The following RBFOX1 variants were observed in gnomAD, a reference collection of about 807,000 sequenced individuals.
The protein encoded by RBFOX1 is RNA binding fox-1 homolog 1.
In RBFOX1, 8 loss-of-function variants were observed where a neutral mutation model predicts 57.7. The observed-to-expected ratio is 0.14, with a 90% CI of 0.08 to 0.25. The LOEUF (loss-of-function observed/expected upper bound fraction) is 0.25, where lower values mean the gene tolerates loss of function less well. Among genes scored for constraint, RBFOX1 ranks in the 10% least tolerant of loss-of-function variants. The probability of loss-of-function intolerance (pLI) is 1.00; values close to 1 mark genes in which losing one functional copy is unlikely to be tolerated. For synonymous variants in RBFOX1, 326 were observed against 222.4 expected (o/e 1.47, Z -4.15); for missense variants, 611 against 548.5 (o/e 1.11, Z -1.14).
chr16:6,577,029 C>A (rs2097449681), intron 2 of RBFOX1: 2 of 152,192 alleles, frequency 1.3e-5, no homozygotes, highest in Admixed American at 1.3e-4. Context: ...AGAAGTGGCT[C>A]TTTCAGGACT....
At chr16:6,197,752 C>T (rs566713900) in intron 1 of RBFOX1, among the ~76,000 whole-genome samples, 1 of 151,866 alleles carries the variant, frequency 6.6e-6, no homozygotes, top group Non-Finnish European at 1.5e-5. Flanking sequence ...GGTATTAAGC[C>T]CGGTATCCAA....
intron 3 of RBFOX1, among the ~76,000 whole-genome samples, chr16:6,792,214 A>G (rs776623548): frequency 1.3e-5 from 2 of 152,178 alleles, no homozygotes; most frequent in Non-Finnish European, 2.9e-5. Context: ...AACAAGGTCA[A>G]TTTTAAAGCA....
intron 1 of RBFOX1, among the ~76,000 whole-genome samples, chr16:5,428,285 A>G (rs1425629126): frequency 6.6e-6 from 1 of 152,166 alleles, no homozygotes; most frequent in Non-Finnish European, 1.5e-5. Flanking sequence ...CTATAAAATG[A>G]TTCATGATGA....
chr16:7,193,872 T>A (rs1423222139), intron 4 of RBFOX1, among the ~76,000 whole-genome samples: 3 of 151,466 alleles, frequency 2.0e-5, no homozygotes, highest in African/African-American at 7.3e-5. Context: ...AATGACAGAC[T>A]AAAATCTTCT....
chr16:5,817,044 C>T (rs1193272765), intron 3 of RBFOX1, among the ~76,000 whole-genome samples: 12 of 152,198 alleles, frequency 7.9e-5, no homozygotes, highest in Admixed American at 1.3e-4. Flanking sequence ...CACCCACCTC[C>T]AGTAAATCCC....
intron 2 of RBFOX1, among the ~76,000 whole-genome samples, chr16:6,366,328 A>G (rs1209649289): frequency 1.3e-5 from 2 of 152,182 alleles, no homozygotes; most frequent in Non-Finnish European, 2.9e-5. Flanking sequence ...TGAACTATAA[A>G]GACTTCTACA....
intron 2 of RBFOX1, among the ~76,000 whole-genome samples, chr16:6,394,962 A>T (rs2092762241): frequency 6.6e-6 from 1 of 152,204 alleles, no homozygotes; most frequent in South Asian, 2.1e-4. Flanking sequence ...TCTCTCCAAT[A>T]AATATTATTA....
intron 1 of RBFOX1, among the ~76,000 whole-genome samples, chr16:6,150,643 A>C (rs1308343938): frequency 6.6e-6 from 1 of 152,060 alleles, no homozygotes; most frequent in Admixed American, 6.6e-5. Flanking sequence ...ACAGCATGAC[A>C]CACTTACGGA....
chr16:6,603,293 G>T (rs1279894281), intron 2 of RBFOX1, among the ~76,000 whole-genome samples: 2 of 152,134 alleles, frequency 1.3e-5, no homozygotes, highest in Non-Finnish European at 2.9e-5. Flanking sequence ...CATTGCCAGA[G>T]CTTCTGATTT....
At chr16:6,276,543 G>C (rs559366379) in intron 1 of RBFOX1, among the ~76,000 whole-genome samples, 2 of 152,066 alleles carry the variant, frequency 1.3e-5, no homozygotes, top group Admixed American at 6.6e-5. Flanking sequence ...GGGTTTTACC[G>C]TGTTGGCCAG....
intron 4 of RBFOX1, among the ~76,000 whole-genome samples, chr16:7,183,120 C>G (rs1262458888): frequency 9.2e-5 from 14 of 152,094 alleles, no homozygotes; most frequent in Admixed American, 8.5e-4. Flanking sequence ...TGAATTGCCC[C>G]AGCTGGGATC....
intron 2 of RBFOX1, among the ~76,000 whole-genome samples, chr16:6,507,184 A>G (rs1182149442): frequency 2.6e-5 from 4 of 152,166 alleles, no homozygotes; most frequent in Admixed American, 6.5e-5. Flanking sequence ...CTAGCCAGAC[A>G]TCCCAAGACC....
At chr16:6,767,127 C>G (rs567766155) in intron 3 of RBFOX1, among the ~76,000 whole-genome samples, 5 of 152,112 alleles carry the variant, frequency 3.3e-5, no homozygotes, top group Non-Finnish European at 7.4e-5. Context: ...ACCTCTCTTG[C>G]ATTTTTCCTC....
chr16:6,599,872 C>G (rs2097828344), intron 2 of RBFOX1, among the ~76,000 whole-genome samples: 1 of 152,212 alleles, frequency 6.6e-6, no homozygotes. Context: ...TGTTAGGCAA[C>G]TAGAACAGCA....
At chr16:5,796,013 G>A (rs1170347501) in intron 3 of RBFOX1, among the ~76,000 whole-genome samples, 1 of 152,194 alleles carries the variant, frequency 6.6e-6, no homozygotes, top group East Asian at 1.9e-4. Context: ...ATAGGGCTGT[G>A]CAATGCATTG....
At chr16:5,853,416 C>A (rs2056945615) in intron 3 of RBFOX1, among the ~76,000 whole-genome samples, 1 of 152,138 alleles carries the variant, frequency 6.6e-6, no homozygotes, top group South Asian at 2.1e-4. Flanking sequence ...CTGACCTGCC[C>A]CCATGTTCCC....
intron 3 of RBFOX1, among the ~76,000 whole-genome samples, chr16:5,759,473 C>A (rs1047255976): frequency 2.0e-5 from 3 of 152,344 alleles, no homozygotes; most frequent in Non-Finnish European, 4.4e-5. Flanking sequence ...GCAGCTGTAT[C>A]AGGGCATTCA....
intron 1 of RBFOX1, among the ~76,000 whole-genome samples, chr16:6,186,139 T>C (rs1316823568): frequency 6.6e-6 from 1 of 152,212 alleles, no homozygotes; most frequent in African/African-American, 2.4e-5. Context: ...GGCTGTGATC[T>C]GTAAACTCAA....
At chr16:6,293,742 G>A (rs1466907733) in intron 1 of RBFOX1, among the ~76,000 whole-genome samples, 2 of 132,376 alleles carry the variant, frequency 1.5e-5, no homozygotes, top group African/African-American at 5.6e-5. Context: ...TACTTGATCT[G>A]AACTTTGAAG....
Sources: allele counts gnomAD v4.1 joint callset (sites outside exome capture counted in the v4.1 genomes callset), GRCh38; gene constraint gnomAD v4.1.1; transcripts MANE v1.5; gene names NCBI Gene and HGNC (gene_info 2026-07-23, HGNC 2026-07-21).